Variants in FAT1 observed in about 807,000 individuals in gnomAD.
FAT1 encodes FAT atypical cadherin 1.
A neutral mutation model predicts 329.8 loss-of-function variants in FAT1; 171 were observed. The ratio of observed to expected loss-of-function variants is 0.52; its 90% CI spans 0.46 to 0.59. FAT1 has a LOEUF of 0.59. Among genes scored for constraint, FAT1 ranks in the 20% least tolerant of loss-of-function variants. The pLI is 0.00. For synonymous variants in FAT1, 2,233 were observed against 2,228.6 expected, an observed-to-expected ratio of 1.00 and a Z score of -0.06; for missense variants, 5,672 against 5,774.4, an observed-to-expected ratio of 0.98 and a Z score of 0.57.
intron 2 of FAT1, among the ~76,000 whole-genome samples, chr4:186,667,030 A>T (rs1039596181): frequency 6.6e-6 from 1 of 152,250 alleles, no homozygotes; most frequent in Non-Finnish European, 1.5e-5. Flanking sequence ...CACCTGTTCT[A>T]CATGTCAGTA....
At chr4:186,698,340 C>T (rs763410810) in intron 2 of FAT1, among the ~76,000 whole-genome samples, 1 of 152,100 alleles carries the variant, frequency 6.6e-6, no homozygotes, top group Non-Finnish European at 1.5e-5. Flanking sequence ...CCCGGAGACC[C>T]CACGATGGCT....
chr4:186,589,275 T>C lies in FAT1; in HGVS notation c.13139-55A>G, dbSNP rs950357215. The C allele has an allele frequency of 1.0e-5, 16 of 1,526,494 alleles. No homozygotes were observed. The Admixed American group carries it at 1.2e-4, about 12-fold the overall frequency. The allele number at this position is 1,526,494 out of a possible 1,614,324, so 94.6% of individuals were successfully genotyped here. On this transcript the variant is annotated intron_variant, in intron 26 of 26. Coordinates refer to ENST00000441802, the MANE Select transcript of FAT1 (RefSeq NM_005245.4). ...TGTTTTCTCCTAAGCTTTTGTGCCA[T>C]GGAAAGAGAGCTCAGTGTATCAAAG... is the stretch of plus-strand genomic sequence containing the variant.
rs906119807 is a variant in FAT1 at position 186,620,195 on chromosome 4, G to A, written c.6391C>T (p.Pro2131Ser). The A allele has an allele frequency of 6.2e-7, 1 of 1,613,932 alleles. No individual in the cohort carries two copies. Among genetic ancestry groups the A allele is most frequent in the Non-Finnish European group, 8.5e-7 (1 of 1,179,896 alleles). Residue 2131 changes from proline (P) to serine (S), a missense_variant, in exon 10 of 27, where the codon CCC becomes TCC. By Grantham distance (74) the Pro-to-Ser change is moderately conservative. Transcript: ENST00000441802. The stretch of plus-strand genomic sequence containing the variant: ...TTTTTCAGTGAAATTTCACCCAAGG[G>A]TCCAATTTGAAAGTGTTCATGATGT... ...KEHHEHFQIGPLGEISLKKQF... is the reference protein window; with the variant it reads ...KEHHEHFQIGSLGEISLKKQF...
intron 3 of FAT1, among the ~76,000 whole-genome samples, chr4:186,653,219 C>T (rs1422981873): frequency 6.6e-6 from 1 of 152,106 alleles, no homozygotes; most frequent in Non-Finnish European, 1.5e-5. Flanking sequence ...TAACAGGACA[C>T]ATCAACACAG....
At chr4:186,671,453 T>G (rs1170124053) in intron 2 of FAT1, among the ~76,000 whole-genome samples, 1 of 152,144 alleles carries the variant, frequency 6.6e-6, no homozygotes, top group East Asian at 1.9e-4. Flanking sequence ...ATCCCAGCAC[T>G]TTGGGAGGCC....
chr4:186,680,775 C>T (rs892572428), intron 2 of FAT1, among the ~76,000 whole-genome samples: 1 of 152,188 alleles, frequency 6.6e-6, no homozygotes, highest in African/African-American at 2.4e-5. Context: ...GAATCAAAGC[C>T]ATAACTGGAA....
chr4:186,709,537 T>C lies in FAT1; in HGVS notation c.291A>G (p.Arg97=), dbSNP rs2126704942. The C allele has an allele frequency of 1.2e-6, 2 of 1,614,014 alleles. No individual in the cohort carries two copies. The highest frequency in any genetic ancestry group is 2.7e-5 in the African/African-American group (2 of 75,048). The part of the protein sequence containing the change: ...EYILGDFCFL[R]IRTKGGNTAI... ...CTGTATTTCCTCCTTTGGTCCTTAT[T>C]CTTAGAAAGCAAAAGTCTCCGAGAA... is the stretch of plus-strand genomic sequence containing the variant. Residue 97 remains arginine (R), a synonymous_variant, in exon 2 of 27, where the codon AGA becomes AGG. Transcript: ENST00000441802.
At chr4:186,622,351 G>A (rs1449739598) in intron 9 of FAT1, among the ~76,000 whole-genome samples, 2 of 152,166 alleles carry the variant, frequency 1.3e-5, no homozygotes, top group Non-Finnish European at 2.9e-5. Context: ...TTATCCTCTA[G>A]GTCAGTGGTT....
rs1404602727 is a variant in FAT1, at chr4:186,598,130, ATCGGC to A, written c.12104-10_12104-6del. 1 of 1,593,836 alleles carries A rather than the reference ATCGGC, an allele frequency of 6.3e-7. No homozygotes were observed. Among genetic ancestry groups the A allele is most frequent in the South Asian group, 1.2e-5 (1 of 86,814 alleles). On this transcript the variant is annotated splice_polypyrimidine_tract_variant and splice_region_variant and intron_variant, in intron 22 of 26. Coordinates refer to ENST00000441802, the MANE Select transcript of FAT1 (RefSeq NM_005245.4). Reference sequence around the variant, plus strand: ...CACTGCATTTGCAGTAATAACCTAAATCGGCAAAAAGGAACAAAAAAGTCCTATCA... The same window carrying A: ...CACTGCATTTGCAGTAATAACCTAAAAAAAAGGAACAAAAAAGTCCTATCA...
At chr4:186,657,651 C>T (rs1741967545) in intron 3 of FAT1, among the ~76,000 whole-genome samples, 1 of 152,002 alleles carries the variant, frequency 6.6e-6, no homozygotes, top group Non-Finnish European at 1.5e-5. Flanking sequence ...GTGAATTACA[C>T]CTCAAAAAAG....
chr4:186,726,519 C>G (rs1253318213), upstream of FAT1: 1 of 152,260 alleles, frequency 6.6e-6, no homozygotes, highest in Non-Finnish European at 1.5e-5. Flanking sequence ...CCGCCGGGAC[C>G]CAGGCGGCCG....
rs553249792 is a variant in FAT1, at chr4:186,613,080, C to T, written c.9463+29G>A. 5.9e-5 allele frequency: 89 copies of T among 1,500,236 alleles called. No homozygotes were observed. The South Asian group carries it at 9.7e-4, about 16-fold the overall frequency. The allele number at this position is 1,500,236 out of a possible 1,614,324, so 92.9% of individuals were successfully genotyped here. ...AGGCTCCTAGGATCTCAGTGAGCAG[C>T]GTCAGGCAAGAGCATTCCCGGGAGA... is the stretch of plus-strand genomic sequence containing the variant. On this transcript the variant is annotated intron_variant, in intron 13 of 26. Transcript: ENST00000441802.
intron 2 of FAT1, among the ~76,000 whole-genome samples, chr4:186,672,050 T>G (rs1029506065): frequency 1.3e-5 from 2 of 152,168 alleles, no homozygotes; most frequent in African/African-American, 4.8e-5. Flanking sequence ...TCACCTGAAG[T>G]TTATAAGATA....
At chr4:186,683,960 C>T (rs1280854877) in intron 2 of FAT1, among the ~76,000 whole-genome samples, 1 of 151,536 alleles carries the variant, frequency 6.6e-6, no homozygotes, top group African/African-American at 2.4e-5. Flanking sequence ...AGCTGTTTTT[C>T]AATAGCTACA....
intron 2 of FAT1, among the ~76,000 whole-genome samples, chr4:186,685,150 C>A (rs1463268751): frequency 2.6e-5 from 4 of 152,140 alleles, no homozygotes; most frequent in African/African-American, 9.7e-5. Context: ...ACAGGAAGGG[C>A]ACTCCAAGGG....
At chr4:186,626,992 G>A (rs545415371) in intron 9 of FAT1, among the ~76,000 whole-genome samples, 20 of 106,566 alleles carry the variant, frequency 1.9e-4, no homozygotes, top group South Asian at 1.6e-3. Context: ...CACATAAAGC[G>A]AGCTTCATCA....
At chr4:186,639,343 T>C (rs912968136) in intron 4 of FAT1, among the ~76,000 whole-genome samples, 2 of 152,154 alleles carry the variant, frequency 1.3e-5, no homozygotes, top group Admixed American at 6.5e-5. Flanking sequence ...AACATAAATA[T>C]ATCTCAAAAA....
intron 26 of FAT1, among the ~76,000 whole-genome samples, chr4:186,593,567 G>C (rs962774635): frequency 6.6e-6 from 1 of 152,162 alleles, no homozygotes; most frequent in African/African-American, 2.4e-5. Flanking sequence ...GTAATCATAA[G>C]GGTAACTTTT....
intron 17 of FAT1, among the ~76,000 whole-genome samples, chr4:186,605,326 T>G (rs1333878112): frequency 8.6e-3 from 408 of 47,482 alleles, no homozygotes; most frequent in African/African-American, 0.01. Flanking sequence ...GGAGGAGGGG[T>G]AGTGAGGAGG....
Sources: gnomAD v4.1 joint callset for allele counts (sites outside exome capture counted in the v4.1 genomes callset) on GRCh38, gnomAD v4.1.1 for gene constraint, MANE v1.5 for transcripts, NCBI Gene and HGNC (gene_info 2026-07-23, HGNC 2026-07-21) for gene names.